The following NWD2 variants were observed in gnomAD, a reference collection of about 807,000 sequenced individuals.
NWD2 encodes the protein NACHT and WD repeat domain-containing protein 2.
NWD2 carries 37 observed loss-of-function variants against 132.7 expected under a neutral mutation model. The observed-to-expected ratio is 0.28, with a 90% CI of 0.21 to 0.37. The LOEUF is 0.37. Among genes scored for constraint, NWD2 ranks in the 10% least tolerant of loss-of-function variants. The pLI is 1.00. For synonymous variants in NWD2, 705 were observed against 803.0 expected (o/e 0.88, Z 2.06); for missense variants, 1,592 against 2,122.4 (o/e 0.75, Z 4.91).
Position 37,445,190 on chromosome 4 carries a change from G to T in NWD2, c.3202G>T (p.Ala1068Ser), listed in dbSNP as rs766054873. 28 of 1,551,730 alleles carry T rather than the reference G, an allele frequency of 1.8e-5. No homozygotes were observed. Among genetic ancestry groups the T allele is most frequent in the Non-Finnish European group, 2.1e-5 (24 of 1,147,052 alleles). ...CTACATCAATGGATTTACACTGTCCGCCAACCACGCCCTTGCATGGCTCGA... is the reference window on the plus strand; with the variant it reads ...CTACATCAATGGATTTACACTGTCCTCCAACCACGCCCTTGCATGGCTCGA... Reference protein sequence around the residue: ...ATYINGFTLSANHALAWLEAS... With the variant: ...ATYINGFTLSSNHALAWLEAS... The change falls in exon 7 of 7, where the codon GCC (alanine) becomes TCC (serine). Residue 1068 changes from alanine to serine, a missense_variant. Ala to Ser is a moderately conservative substitution (Grantham distance 99). Around this residue, in one of 7 missense-constraint regions of NWD2, gnomAD observed 1,071 missense variants for 1,398.0 expected, o/e 0.77. Transcript: ENST00000309447. The surrounding 1 kb of genome is among the most constrained non-coding windows in gnomAD (Gnocchi z 4.7).
At chr4:37,305,827 C>T (rs1452727297) in intron 1 of NWD2, among the ~76,000 whole-genome samples, 1 of 152,098 alleles carries the variant, frequency 6.6e-6, no homozygotes, top group South Asian at 2.1e-4. Flanking sequence ...CAGAGTAATG[C>T]TACTCTTATA....
At chr4:37,357,639 T>G (rs1719897226) in intron 3 of NWD2, among the ~76,000 whole-genome samples, 1 of 152,114 alleles carries the variant, frequency 6.6e-6, no homozygotes, top group African/African-American at 2.4e-5. Flanking sequence ...AGAATTGAAC[T>G]AAGAAGATAA....
intron 1 of NWD2, among the ~76,000 whole-genome samples, chr4:37,306,752 G>A (rs1247983118): frequency 6.6e-6 from 1 of 152,164 alleles, no homozygotes; most frequent in Non-Finnish European, 1.5e-5. Context: ...GCCGGGTGTG[G>A]TGGCTGATGC....
chr4:37,428,450 A>G (rs980642476), intron 3 of NWD2, among the ~76,000 whole-genome samples: 1 of 152,236 alleles, frequency 6.6e-6, no homozygotes, highest in Non-Finnish European at 1.5e-5. Context: ...TATTTCTGCT[A>G]GATAAGATGA....
At chr4:37,248,918 G>A (rs941259909) in intron 1 of NWD2, among the ~76,000 whole-genome samples, 3 of 152,130 alleles carry the variant, frequency 2.0e-5, no homozygotes, top group South Asian at 2.1e-4. Flanking sequence ...AAATACTTAC[G>A]CTCTAATATG....
intron 3 of NWD2, among the ~76,000 whole-genome samples, chr4:37,407,627 A>T (rs1254350649): frequency 6.6e-6 from 1 of 152,244 alleles, no homozygotes; most frequent in Non-Finnish European, 1.5e-5. Context: ...AAGACAATGT[A>T]TAGACTTCAC....
chr4:37,280,770 C>T (rs183657503), intron 1 of NWD2, among the ~76,000 whole-genome samples: 3 of 152,170 alleles, frequency 2.0e-5, no homozygotes, highest in African/African-American at 2.4e-5. Context: ...GAATTGTTAC[C>T]GCCCCAGGTC....
At chr4:37,280,730 T>A (rs757569626) in intron 1 of NWD2, among the ~76,000 whole-genome samples, 1 of 152,048 alleles carries the variant, frequency 6.6e-6, no homozygotes, top group Non-Finnish European at 1.5e-5. Context: ...TTGCAAGGGA[T>A]AGTACAGCAC....
At chr4:37,347,584 C>A (rs1460822054) in intron 2 of NWD2, among the ~76,000 whole-genome samples, 1 of 152,174 alleles carries the variant, frequency 6.6e-6, no homozygotes, top group Non-Finnish European at 1.5e-5. Context: ...CAATTTAATT[C>A]TAGTGAACTG....
In NWD2 at chr4:37,447,386, T is replaced by C. The variant is rs1712668294; in HGVS notation, c.*169T>C. The C allele has an allele frequency of 3.3e-6, 2 of 603,954 alleles. No individual in the cohort carries two copies. Among genetic ancestry groups the C allele is most frequent in the Non-Finnish European group, 5.8e-6 (2 of 346,884 alleles). The allele number at this position is 603,954 out of a possible 1,614,324, so 37.4% of individuals were successfully genotyped here. ...ACAAATAGGTTAGTCTTGGGTGTGG[T>C]CTTTTTGTCAAAGTGTATCCAGAAT... is the stretch of plus-strand genomic sequence containing the variant. On this transcript the variant is annotated 3_prime_UTR_variant, in exon 7 of 7. Transcript: ENST00000309447.
chr4:37,379,370 GAACA>G (rs1179211457), intron 3 of NWD2, among the ~76,000 whole-genome samples: 8 of 106,194 alleles, frequency 7.5e-5, no homozygotes, highest in African/African-American at 1.3e-4. Flanking sequence ...GCACTTCACA[GAACA>G]AACAGAGACA....
intron 3 of NWD2, among the ~76,000 whole-genome samples, chr4:37,374,360 C>CA (rs1210378848): frequency 2.0e-5 from 3 of 151,664 alleles, no homozygotes; most frequent in Admixed American, 1.3e-4. Context: ...AACAAGGAGC[C>CA]AAAAAAAGCC....
intron 1 of NWD2, among the ~76,000 whole-genome samples, chr4:37,310,432 G>C (rs1350402346): frequency 1.3e-5 from 2 of 152,088 alleles, no homozygotes; most frequent in Admixed American, 1.3e-4. Flanking sequence ...GTATTCAGGT[G>C]TAGAAATAAC....
At chr4:37,373,012 G>T (rs1038413756) in intron 3 of NWD2, among the ~76,000 whole-genome samples, 2 of 152,158 alleles carry the variant, frequency 1.3e-5, no homozygotes, top group Admixed American at 6.5e-5. Context: ...AAATCAAGGA[G>T]GAAATTCAGC....
chr4:37,246,843 C>T (rs1245622997), intron 1 of NWD2, among the ~76,000 whole-genome samples: 2 of 149,240 alleles, frequency 1.3e-5, no homozygotes, highest in Admixed American at 6.8e-5. Context: ...AAGAATTCTG[C>T]TAATATGTGT....
In NWD2 at chr4:37,446,468, A is replaced by G. The variant is rs1712637790; in HGVS notation, c.4480A>G (p.Ile1494Val). 6.4e-7 allele frequency: 1 copy of G among 1,551,612 alleles called. No individual in the cohort carries two copies. The highest frequency in any genetic ancestry group is 1.4e-5 in the African/African-American group (1 of 73,032). Residue 1494 changes from isoleucine to valine, a missense_variant, in exon 7 of 7, where the codon ATC (isoleucine) becomes GTC (valine). By Grantham distance (29) the Ile-to-Val change is conservative. Transcript: ENST00000309447. The surrounding 1 kb of genome is among the most constrained non-coding windows in gnomAD (Gnocchi z 6.7). The stretch of plus-strand genomic sequence containing the variant: ...ATTAATCCCTGACTGTCCTGATATC[A>G]TCGTGTTTATCACATCGGCCGAGAC... ...FKLIPDCPDI[I>V]VFITSAETVN...
intron 1 of NWD2, among the ~76,000 whole-genome samples, chr4:37,255,361 G>A (rs1221535850): frequency 1.3e-5 from 2 of 152,190 alleles, no homozygotes; most frequent in African/African-American, 4.8e-5. Context: ...CTACTGTAGA[G>A]GGGTGGCCAG....
chr4:37,254,719 A>T (rs1717476147), intron 1 of NWD2, among the ~76,000 whole-genome samples: 1 of 147,424 alleles, frequency 6.8e-6, no homozygotes, highest in South Asian at 2.1e-4. Context: ...GAGTAATGTG[A>T]TAGAAAGTTA....
At chr4:37,308,585 T>C (rs1311775849) in intron 1 of NWD2, among the ~76,000 whole-genome samples, 1 of 152,048 alleles carries the variant, frequency 6.6e-6, no homozygotes, top group African/African-American at 2.4e-5. Context: ...GGCACATAGC[T>C]CTATTTCCCA....
Sources: gnomAD v4.1 joint callset for allele counts (sites outside exome capture counted in the v4.1 genomes callset) on GRCh38, gnomAD v4.1.1 for gene constraint, gnomAD v4.1.1 regional missense constraint, Gnocchi (gnomAD v3.1) non-coding constraint, MANE v1.5 for transcripts, NCBI Gene and HGNC (gene_info 2026-07-23, HGNC 2026-07-21) for gene names.